PTPRT: variants seen among roughly 807,000 people sequenced by gnomAD.
PTPRT encodes the protein receptor-type tyrosine-protein phosphatase T.
In PTPRT, 56 loss-of-function variants were observed where a neutral mutation model predicts 176.8. The observed-to-expected ratio is 0.32, with a 90% CI of 0.26 to 0.40. The LOEUF (loss-of-function observed/expected upper bound fraction) is 0.40. Among genes scored for constraint, PTPRT ranks in the 10% least tolerant of loss-of-function variants. PTPRT has a pLI of 1.00. For synonymous variants in PTPRT, 783 were observed against 739.0 expected (o/e 1.06, Z -0.96); for missense variants, 1,540 against 1,908.2 (o/e 0.81, Z 3.60).
At chr20:42,844,341 G>A (rs1451533022) in intron 2 of PTPRT, among the ~76,000 whole-genome samples, 1 of 152,196 alleles carries the variant, frequency 6.6e-6, no homozygotes, top group Non-Finnish European at 1.5e-5. Flanking sequence ...AGAGAAAAAT[G>A]AGAACTCCTA....
At position 42,345,739 on chromosome 20, in the gene PTPRT, C is replaced by T. The variant is rs1390183282; in HGVS notation, c.1865+4889G>A. Among the ~76,000 whole-genome samples, 12 of 150,744 alleles carry T rather than the reference C, an allele frequency of 8.0e-5. No homozygotes were observed. The East Asian group carries it at 2.3e-3, about 30-fold the overall frequency. On this transcript the variant is annotated intron_variant, in intron 11 of 30. Transcript: ENST00000373187. ...TATGTAGAAACAACAGAAAACAAAA[C>T]AAAAAATATATATATATGAACAGCT...
At chr20:42,398,656 TTAA>T (rs2058875274) in intron 9 of PTPRT, among the ~76,000 whole-genome samples, 1 of 152,170 alleles carries the variant, frequency 6.6e-6, no homozygotes, top group African/African-American at 2.4e-5. Context: ...GAAGTCATCT[TTAA>T]TAACAATAAT....
chr20:42,248,704 C>T lies in PTPRT; in HGVS notation c.2295G>A (p.Met765Ile). 1 of 1,613,936 alleles carries T rather than the reference C, an allele frequency of 6.2e-7. No homozygotes were observed. ...LMFIIILLGV[M>I]LTIKRRRNAY... The stretch of plus-strand genomic sequence containing the variant: ...AGACTCACCTCCTTTTGATGGTGAG[C>T]ATCACGCCCAGGAGAATGATGATGA... Residue 765 changes from methionine to isoleucine, a missense_variant, in exon 14 of 31, where the codon ATG becomes ATA. Around this residue, in one of 11 missense-constraint regions of PTPRT, gnomAD observed 255 missense variants for 250.1 expected, o/e 1.02. Coordinates refer to ENST00000373187, the MANE Select transcript of PTPRT (RefSeq NM_007050.6).
intron 1 of PTPRT, among the ~76,000 whole-genome samples, chr20:43,183,005 G>A (rs1479488692): frequency 6.6e-6 from 1 of 152,152 alleles, no homozygotes; most frequent in Non-Finnish European, 1.5e-5. Context: ...CAGGGTAAAA[G>A]TTATTCGTGT....
intron 6 of PTPRT, among the ~76,000 whole-genome samples, chr20:42,755,635 T>C (rs1375826478): frequency 6.6e-6 from 1 of 152,126 alleles, no homozygotes; most frequent in Non-Finnish European, 1.5e-5. Context: ...ATGCTCATAT[T>C]CTTGGCCTCC....
chr20:42,543,973 C>A (rs532030602), intron 7 of PTPRT, among the ~76,000 whole-genome samples: 1 of 152,234 alleles, frequency 6.6e-6, no homozygotes, highest in African/African-American at 2.4e-5. Context: ...TGCTGTCATC[C>A]AGGCTTTGTT....
At chr20:43,081,345 G>C (rs1055963661) in intron 1 of PTPRT, among the ~76,000 whole-genome samples, 1 of 152,122 alleles carries the variant, frequency 6.6e-6, no homozygotes. Flanking sequence ...GCCAACATTG[G>C]AATTTCATAT....
intron 15 of PTPRT, among the ~76,000 whole-genome samples, chr20:42,234,927 G>A (rs2056210145): frequency 6.6e-6 from 1 of 152,216 alleles, no homozygotes; most frequent in South Asian, 2.1e-4. Flanking sequence ...CCTTCAGCAG[G>A]TAATGCTATT....
intron 1 of PTPRT, among the ~76,000 whole-genome samples, chr20:43,155,200 T>C (rs2014483175): frequency 6.6e-6 from 1 of 152,236 alleles, no homozygotes; most frequent in Non-Finnish European, 1.5e-5. Context: ...CTTCTGGGTA[T>C]ATATCCAAAG....
intron 1 of PTPRT, among the ~76,000 whole-genome samples, chr20:43,093,042 G>A (rs1196274274): frequency 2.6e-5 from 4 of 152,206 alleles, no homozygotes; most frequent in African/African-American, 9.7e-5. Flanking sequence ...AGTGCTAATA[G>A]TGTATGCCCT....
intron 6 of PTPRT, among the ~76,000 whole-genome samples, chr20:42,727,205 C>T (rs1472491231): frequency 6.6e-6 from 1 of 152,144 alleles, no homozygotes; most frequent in Non-Finnish European, 1.5e-5. Flanking sequence ...CCTCCATCCC[C>T]CCCGTTCCAA....
chr20:42,570,946 T>A (rs2073142889), intron 7 of PTPRT, among the ~76,000 whole-genome samples: 1 of 151,940 alleles, frequency 6.6e-6, no homozygotes, highest in Admixed American at 6.6e-5. Context: ...CATAGACATT[T>A]TTTATCGGGG....
At chr20:42,319,671 A>G (rs2057772087) in intron 11 of PTPRT, among the ~76,000 whole-genome samples, 1 of 152,258 alleles carries the variant, frequency 6.6e-6, no homozygotes, top group Non-Finnish European at 1.5e-5. Flanking sequence ...CAAGTTGTAT[A>G]ACTTTCCTTT....
At chr20:42,886,030 A>T (rs1320546817) in intron 1 of PTPRT, 98 bp from the exon 2 acceptor site, 4 of 946,696 alleles carry the variant, frequency 4.2e-6, no homozygotes, top group Non-Finnish European at 5.6e-6. Flanking sequence ...TTTGAATTTT[A>T]AACTCTGGAG....
chr20:42,899,650 G>C (rs1333496135), intron 1 of PTPRT, among the ~76,000 whole-genome samples: 1 of 152,164 alleles, frequency 6.6e-6, no homozygotes, highest in African/African-American at 2.4e-5. Context: ...AAGTCTACCA[G>C]GGCAGGAAGT....
intron 7 of PTPRT, among the ~76,000 whole-genome samples, chr20:42,530,979 C>T (rs547017584): frequency 1.8e-4 from 28 of 152,324 alleles, no homozygotes; most frequent in Non-Finnish European, 4.1e-4. Context: ...AAATGCTTAA[C>T]AGAGAAGCAA....
At chr20:42,268,826 T>C (rs2056882090) in intron 13 of PTPRT, among the ~76,000 whole-genome samples, 1 of 152,202 alleles carries the variant, frequency 6.6e-6, no homozygotes, top group Non-Finnish European at 1.5e-5. Flanking sequence ...CCATAGTGGA[T>C]GCTGTTTAGG....
intron 2 of PTPRT, among the ~76,000 whole-genome samples, chr20:42,814,957 C>T (rs1230339061): frequency 6.6e-6 from 1 of 151,800 alleles, no homozygotes; most frequent in East Asian, 1.9e-4. Context: ...ACAAGCTAGA[C>T]CAAATGCTGA....
At chr20:42,187,230 C>T (rs1990817274) in intron 16 of PTPRT, among the ~76,000 whole-genome samples, 1 of 152,020 alleles carries the variant, frequency 6.6e-6, no homozygotes, top group South Asian at 2.1e-4. Context: ...AGTAGAAATG[C>T]CATTTCTTAT....
Sources: allele counts gnomAD v4.1 joint callset (sites outside exome capture counted in the v4.1 genomes callset), GRCh38; gene constraint gnomAD v4.1.1; regional missense constraint gnomAD v4.1.1; transcripts MANE v1.5; gene names NCBI Gene and HGNC (gene_info 2026-07-23, HGNC 2026-07-21).